The following PLOD2 variants were observed in gnomAD, a reference collection of about 807,000 sequenced individuals.
The protein encoded by PLOD2 is lysine hydroxylase 2.
A neutral mutation model predicts 101.0 loss-of-function variants in PLOD2; 65 were observed. The ratio of observed to expected loss-of-function variants is 0.64; its 90% CI spans 0.53 to 0.79. PLOD2 has a LOEUF of 0.79. PLOD2 is among the 30% of genes least tolerant of loss of function. The probability of loss-of-function intolerance (pLI) is 0.00; values close to 1 mark genes in which losing one functional copy is unlikely to be tolerated. For synonymous variants in PLOD2, 314 were observed against 302.9 expected, an observed-to-expected ratio of 1.04 and a Z score of -0.38; for missense variants, 909 against 914.6, an observed-to-expected ratio of 0.99 and a Z score of 0.08.
intron 4 of PLOD2, 110 bp downstream of exon 4, chr3:146,110,170 TAATAA>T: frequency 2.3e-6 from 2 of 869,194 alleles, no homozygotes; most frequent in South Asian, 2.8e-5. Context: ...AATATACTAA[TAATAA>T]AATAAGGGTT....
chr3:146,140,053 C>A (rs2031446982), intron 1 of PLOD2, among the ~76,000 whole-genome samples: 1 of 152,070 alleles, frequency 6.6e-6, no homozygotes, highest in South Asian at 2.1e-4. Context: ...GGTAGATGTT[C>A]ATAAAATAGC....
Position 146,107,075 on chromosome 3 carries a change from T to C in PLOD2, c.503-431A>G, listed in dbSNP as rs1937547625. ...TTACAGAATAAAATCTCTACTACAG[T>C]GGTTTTACTGTCAGTGCCAGAGATG... On this transcript the variant is annotated intron_variant, in intron 4 of 19. Coordinates refer to ENST00000282903, the MANE Select transcript of PLOD2 (RefSeq NM_182943.3). Among the ~76,000 whole-genome samples, 5 of 152,310 alleles carry C rather than the reference T, an allele frequency of 3.3e-5. No homozygotes were observed. In the South Asian group the frequency reaches 1.0e-3, roughly 32 times the overall value.
intron 1 of PLOD2, among the ~76,000 whole-genome samples, chr3:146,157,140 GGAA>G (rs926462637): frequency 2.6e-5 from 4 of 152,112 alleles, no homozygotes; most frequent in Admixed American, 6.6e-5. Context: ...AAGTTCTGGG[GGAA>G]GAAGAAACTA....
intron 3 of PLOD2, among the ~76,000 whole-genome samples, chr3:146,114,978 G>C (rs567116459): frequency 1.3e-5 from 2 of 152,038 alleles, no homozygotes; most frequent in Non-Finnish European, 2.9e-5. Context: ...AGAAAACTTG[G>C]GGGGGATGAA....
chr3:146,079,560 A>G (rs975546472), intron 12 of PLOD2, among the ~76,000 whole-genome samples: 1 of 151,986 alleles, frequency 6.6e-6, no homozygotes, highest in Admixed American at 6.6e-5. Flanking sequence ...ATTATAATCT[A>G]TTGTATAGAC....
Position 146,160,936 on chromosome 3 carries a change from G to T in PLOD2, c.54C>A (p.His18Gln), listed in dbSNP as rs779227000. 1.9e-5 allele frequency: 30 copies of T among 1,601,100 alleles called. No homozygotes were observed. Among genetic ancestry groups the T allele is most frequent in the Non-Finnish European group, 2.5e-5 (29 of 1,174,264 alleles). ...PQLLLLALVL[H>Q]PWNPCLGADS... Reference sequence around the variant, plus strand: ...CCGCACCCAGACAGGGATTCCAGGGGTGGAGGACGAGCGCCAGGAGCAGCA... The same window carrying T: ...CCGCACCCAGACAGGGATTCCAGGGTTGGAGGACGAGCGCCAGGAGCAGCA... Residue 18 changes from histidine (H) to glutamine (Q), a missense_variant, in exon 1 of 20, where the codon CAC (histidine) becomes CAA (glutamine). Coordinates refer to ENST00000282903, the MANE Select transcript of PLOD2 (RefSeq NM_182943.3).
At chr3:146,128,306 G>T (rs1265863843) in intron 1 of PLOD2, among the ~76,000 whole-genome samples, 1 of 152,020 alleles carries the variant, frequency 6.6e-6, no homozygotes, top group African/African-American at 2.4e-5. Context: ...GTTTCAGCAA[G>T]ATACCTGGCA....
intron 15 of PLOD2, among the ~76,000 whole-genome samples, chr3:146,073,818 A>G (rs1236316301): frequency 3.3e-5 from 5 of 151,620 alleles, no homozygotes; most frequent in Non-Finnish European, 4.4e-5. Flanking sequence ...GGTAAAAGAC[A>G]AGGAGCAAAA....
intron 9 of PLOD2, among the ~76,000 whole-genome samples, 179 bp from the exon 10 acceptor site, chr3:146,087,087 G>A (rs1460062987): frequency 6.6e-6 from 1 of 151,806 alleles, no homozygotes; most frequent in Non-Finnish European, 1.5e-5. Context: ...AATGTCACAT[G>A]AATAATCTTA....
At chr3:146,107,380 T>C (rs1406909745) in intron 4 of PLOD2, among the ~76,000 whole-genome samples, 1 of 152,220 alleles carries the variant, frequency 6.6e-6, no homozygotes, top group Non-Finnish European at 1.5e-5. Context: ...AATCTTCCTC[T>C]GAATTATGGA....
At chr3:146,133,364 T>G (rs888084245) in intron 1 of PLOD2, among the ~76,000 whole-genome samples, 49 of 152,300 alleles carry the variant, frequency 3.2e-4, no homozygotes, top group African/African-American at 1.0e-3. Context: ...ATCCATATAC[T>G]TCAGAAAGTC....
intron 3 of PLOD2, among the ~76,000 whole-genome samples, 154 bp downstream of exon 3, chr3:146,120,958 T>C (rs563673832): frequency 1.3e-5 from 2 of 152,242 alleles, no homozygotes; most frequent in Non-Finnish European, 2.9e-5. Context: ...CCTGACCTTG[T>C]GATCCAGCTG....
intron 1 of PLOD2, among the ~76,000 whole-genome samples, chr3:146,152,379 C>A (rs1384518908): frequency 2.6e-5 from 4 of 152,002 alleles, no homozygotes; most frequent in African/African-American, 9.7e-5. Flanking sequence ...GAGATTGCAC[C>A]ACTCCACTCC....
rs1195266269 is a variant in PLOD2 at position 146,069,798 on chromosome 3, T to A, written c.*919A>T. Reference sequence around the variant, plus strand: ...AGGCTCAACAACTTTGTTTTCCTGATATAAAATTCAAGTACTTAAAAAGTT... The same window carrying A: ...AGGCTCAACAACTTTGTTTTCCTGAAATAAAATTCAAGTACTTAAAAAGTT... On this transcript the variant is annotated 3_prime_UTR_variant, in exon 20 of 20. Coordinates refer to ENST00000282903, the MANE Select transcript of PLOD2 (RefSeq NM_182943.3). 6.6e-6 allele frequency: 1 copy of A among 152,130 alleles called. No homozygotes were observed. The highest frequency in any genetic ancestry group is 6.6e-5 in the Admixed American group (1 of 15,182). 9.4% of individuals were successfully genotyped at this position (152,130 alleles called of 1,614,324 possible). A position where few individuals can be genotyped will look rare whatever the true frequency, so the allele number is the denominator to read the frequency against.
chr3:146,119,495 G>A (rs1161739430), intron 3 of PLOD2, among the ~76,000 whole-genome samples: 1 of 151,986 alleles, frequency 6.6e-6, no homozygotes, highest in Non-Finnish European at 1.5e-5. Context: ...ACAACGTGCA[G>A]GTTAGTTACA....
chr3:146,126,870 T>C (rs937463423), intron 1 of PLOD2, among the ~76,000 whole-genome samples: 2 of 152,136 alleles, frequency 1.3e-5, no homozygotes, highest in Admixed American at 1.3e-4. Context: ...ACTGAAGTAA[T>C]ACCCTATCAA....
chr3:146,146,446 G>A (rs1013778887), intron 1 of PLOD2, among the ~76,000 whole-genome samples: 9 of 152,112 alleles, frequency 5.9e-5, no homozygotes, highest in African/African-American at 2.2e-4. Context: ...AGAAGGATAC[G>A]GTTTACCCTA....
chr3:146,146,465 T>C (rs1204526567), intron 1 of PLOD2, among the ~76,000 whole-genome samples: 1 of 152,108 alleles, frequency 6.6e-6, no homozygotes, highest in African/African-American at 2.4e-5. Flanking sequence ...TACACCAGTG[T>C]TCTAGGGTCA....
chr3:146,102,509 T>C (rs1222222529), intron 7 of PLOD2, among the ~76,000 whole-genome samples: 1 of 152,178 alleles, frequency 6.6e-6, no homozygotes, highest in African/African-American at 2.4e-5. Flanking sequence ...TAGTTGTTAT[T>C]ATTTAATAAA....
Sources: allele counts gnomAD v4.1 joint callset (sites outside exome capture counted in the v4.1 genomes callset), GRCh38; gene constraint gnomAD v4.1.1; transcripts MANE v1.5; gene names NCBI Gene and HGNC (gene_info 2026-07-23, HGNC 2026-07-21).